Variants in PCDHGB1 observed in about 807,000 individuals in gnomAD.
PCDHGB1 encodes the protein protocadherin gamma subfamily B, 1, also known as protocadherin gamma-B1.
PCDHGB1 carries 34 observed loss-of-function variants against 56.6 expected under a neutral mutation model. That is an observed-to-expected ratio of 0.60 (90% CI 0.46 to 0.80). The LOEUF (loss-of-function observed/expected upper bound fraction) is 0.80, where lower values mean the gene tolerates loss of function less well. Among genes scored for constraint, PCDHGB1 ranks in the 30% least tolerant of loss-of-function variants. The probability of loss-of-function intolerance (pLI) is 0.00; values close to 1 mark genes in which losing one functional copy is unlikely to be tolerated. For missense variants in PCDHGB1, 1,278 were observed against 1,204.6 expected, an observed-to-expected ratio of 1.06 and a Z score of -0.90; for synonymous variants, 561 against 505.9, an observed-to-expected ratio of 1.11 and a Z score of -1.46.
intron 1 of PCDHGB1, chr5:141,407,888 C>T (rs769893466): frequency 2.6e-6 from 1 of 388,626 alleles, no homozygotes; most frequent in Non-Finnish European, 4.6e-6. Flanking sequence ...TTTCGGAGAC[C>T]GAATTCAAAA....
chr5:141,485,587 G>C lies in PCDHGB1; in HGVS notation c.2410-9220G>C. 6.2e-7 allele frequency: 1 copy of C among 1,612,652 alleles called. No individual in the cohort carries two copies. The highest frequency in any genetic ancestry group is 1.7e-5 in the Admixed American group (1 of 59,982). On this transcript the variant is annotated intron_variant, in intron 1 of 3. Coordinates refer to ENST00000523390, the MANE Select transcript of PCDHGB1 (RefSeq NM_018922.3). This position sits in a 1 kb window ranked among gnomAD's most constrained non-coding sequence, Gnocchi z 5.7. ...CCCCCCGTTTTCCGCGGCAGCAGCT[G>C]GACTTGGAAATTGGGGAGGCAGCTC... is the stretch of plus-strand genomic sequence containing the variant.
rs776348214 is a variant in PCDHGB1 at position 141,487,781 on chromosome 5, G to A, written c.2410-7026G>A. 108 of 1,526,850 alleles carry A rather than the reference G, an allele frequency of 7.1e-5. No individual in the cohort carries two copies. Among genetic ancestry groups the A allele is most frequent in the East Asian group, 3.7e-4 (15 of 40,622 alleles). 94.6% of individuals were successfully genotyped at this position (1,526,850 alleles called of 1,614,324 possible). On this transcript the variant is annotated intron_variant, in intron 1 of 3. Coordinates refer to ENST00000523390, the MANE Select transcript of PCDHGB1 (RefSeq NM_018922.3). This position sits in a 1 kb window ranked among gnomAD's most constrained non-coding sequence, Gnocchi z 5.0. ...AGACGCTGTGCTTTGTAACTGTTTC[G>A]TGAATTAACCAGAGTTGTCACAGTT... is the stretch of plus-strand genomic sequence containing the variant.
At chr5:141,453,865 A>T (rs1048679358) in intron 1 of PCDHGB1, among the ~76,000 whole-genome samples, 2 of 152,234 alleles carry the variant, frequency 1.3e-5, no homozygotes, top group African/African-American at 4.8e-5. Flanking sequence ...AAAATAACAG[A>T]TGAGCAAAAT....
At chr5:141,471,185 A>G (rs58340688) in intron 1 of PCDHGB1, 16,257 of 151,174 alleles carry the variant, frequency 0.11, 890 homozygotes, top group South Asian at 0.15. Context: ...TAGTAGCTGG[A>G]ATTACAGGCA....
intron 1 of PCDHGB1, chr5:141,408,119 C>T (rs1271219465): frequency 6.8e-7 from 1 of 1,474,944 alleles, no homozygotes; most frequent in African/African-American, 1.4e-5. Flanking sequence ...CTCCTCCTGT[C>T]CTGGGCCGAA....
chr5:141,405,222 T>A, intron 1 of PCDHGB1: 5 of 1,613,886 alleles, frequency 3.1e-6, no homozygotes, highest in Non-Finnish European at 4.2e-6. Context: ...TCTCAGGAGT[T>A]CTCCCTCACC....
At chr5:141,383,288 T>A (rs1441416956) in intron 1 of PCDHGB1, 2 of 1,613,768 alleles carry the variant, frequency 1.2e-6, no homozygotes, top group Middle Eastern at 1.6e-4. Flanking sequence ...AATGACAACG[T>A]TCCAAGATTC....
At chr5:141,414,220 C>T in intron 1 of PCDHGB1, 1 of 1,613,094 alleles carries the variant, frequency 6.2e-7, no homozygotes, top group Non-Finnish European at 8.5e-7. Flanking sequence ...TGACAACAGT[C>T]CAGAGCTGAC....
rs1224515106 is a variant in PCDHGB1 at position 141,491,453 on chromosome 5, C to T, written c.2410-3354C>T. On this transcript the variant is annotated intron_variant, in intron 1 of 3. Transcript: ENST00000523390. The surrounding 1 kb of genome is among the most constrained non-coding windows in gnomAD (Gnocchi z 6.9). ...TGCTGCAGGCGCCAGGACTCACCCT[C>T]CCCGGACTTCTATAAGCAGTCCAGC... The T allele has an allele frequency of 6.2e-6, 10 of 1,614,120 alleles. No homozygotes were observed. The highest frequency in any genetic ancestry group is 8.5e-6 in the Non-Finnish European group (10 of 1,180,028).
Position 141,487,642 on chromosome 5 carries a change from G to A in PCDHGB1, c.2410-7165G>A, listed in dbSNP as rs747328649. 1.2e-6 allele frequency: 2 copies of A among 1,614,130 alleles called. No individual in the cohort carries two copies. The highest frequency in any genetic ancestry group is 1.3e-5 in the African/African-American group (1 of 75,062). On this transcript the variant is annotated intron_variant, in intron 1 of 3. Transcript: ENST00000523390. This position sits in a 1 kb window ranked among gnomAD's most constrained non-coding sequence, Gnocchi z 5.0. ...TGAGACCTTTGCAGGCTCAACAAAT[G>A]CTTGAGGGTTATTCTGATCCAGGCA...
In PCDHGB1 at chr5:141,490,755, C is replaced by T; in HGVS notation, c.2410-4052C>T. ...AGGTTCAGGGAGCCCCAGCCTCCTC[C>T]TTTGTGTATGTCAACCCAGAGGATG... On this transcript the variant is annotated intron_variant, in intron 1 of 3. Transcript: ENST00000523390. This position sits in a 1 kb window ranked among gnomAD's most constrained non-coding sequence, Gnocchi z 5.4. 1 of 1,614,190 alleles carries T rather than the reference C, an allele frequency of 6.2e-7. No individual in the cohort carries two copies. Among genetic ancestry groups the T allele is most frequent in the Non-Finnish European group, 8.5e-7 (1 of 1,180,026 alleles).
intron 2 of PCDHGB1, among the ~76,000 whole-genome samples, chr5:141,501,751 C>G (rs188896150): frequency 1.4e-3 from 218 of 152,250 alleles, no homozygotes; most frequent in South Asian, 3.1e-3. Flanking sequence ...ATAGGAAGCT[C>G]TCAGTAAATG....
chr5:141,393,642 G>C, intron 1 of PCDHGB1: 1 of 1,613,940 alleles, frequency 6.2e-7, no homozygotes, highest in Non-Finnish European at 8.5e-7. Context: ...CAACGGAAAA[G>C]TGGCATACAA....
Position 141,486,255 on chromosome 5 carries a change from A to G in PCDHGB1, c.2410-8552A>G. 1 of 1,614,028 alleles carries G rather than the reference A, an allele frequency of 6.2e-7. No homozygotes were observed. Reference sequence around the variant, plus strand: ...ACCTCAGAGCTTGGAACCCTCCCCGAGAGTGCAGAACCTGGCACTGTGGTG... The same window carrying G: ...ACCTCAGAGCTTGGAACCCTCCCCGGGAGTGCAGAACCTGGCACTGTGGTG... On this transcript the variant is annotated intron_variant, in intron 1 of 3. Coordinates refer to ENST00000523390, the MANE Select transcript of PCDHGB1 (RefSeq NM_018922.3). This position sits in a 1 kb window ranked among gnomAD's most constrained non-coding sequence, Gnocchi z 5.0.
intron 2 of PCDHGB1, among the ~76,000 whole-genome samples, chr5:141,503,977 CCTT>C (rs1012021012): frequency 1.3e-5 from 2 of 152,250 alleles, no homozygotes; most frequent in Admixed American, 1.3e-4. Flanking sequence ...GGTGCCAAAC[CCTT>C]CTTCTTACCT....
In PCDHGB1 at chr5:141,476,702, C is replaced by A. The variant is rs751321222; in HGVS notation, c.2410-18105C>A. 1.4e-5 allele frequency: 23 copies of A among 1,614,104 alleles called. No individual in the cohort carries two copies. Among genetic ancestry groups the A allele is most frequent in the Non-Finnish European group, 1.7e-5 (20 of 1,180,050 alleles). ...GGAGGACAGCACCAAGTACGCGGAG[C>A]TGGTGTTGGAGCGCGCCCTGGACCG... is the stretch of plus-strand genomic sequence containing the variant. On this transcript the variant is annotated intron_variant, in intron 1 of 3. Coordinates refer to ENST00000523390, the MANE Select transcript of PCDHGB1 (RefSeq NM_018922.3). The surrounding 1 kb of genome is among the most constrained non-coding windows in gnomAD (Gnocchi z 7.6).
rs1177062364 is a variant in PCDHGB1, at chr5:141,350,528, GAGA to G, written c.272_274del (p.Lys91del). 3.1e-6 allele frequency: 5 copies of G among 1,613,916 alleles called. No individual in the cohort carries two copies. Among genetic ancestry groups the G allele is most frequent in the Admixed American group, 1.7e-5 (1 of 60,006 alleles). On this transcript the variant is annotated inframe_deletion, in exon 1 of 4. Transcript: ENST00000523390. ...GTTAGTGAACGGTAGGATAGATCGA[GAGA>G]AGATTTGCGGAAGGAAACTTGAGTG...
intron 1 of PCDHGB1, chr5:141,419,910 C>A (rs539905795): frequency 1.9e-6 from 3 of 1,613,968 alleles, no homozygotes; most frequent in Non-Finnish European, 2.5e-6. Flanking sequence ...CCCTCTGACT[C>A]CCAGGCTGAG....
intron 1 of PCDHGB1, chr5:141,427,833 G>T (rs1345567011): frequency 6.5e-7 from 1 of 1,540,964 alleles, no homozygotes; most frequent in Non-Finnish European, 8.9e-7. Flanking sequence ...CGCGCAGCGT[G>T]CCTTCGACCA....
Sources: allele counts gnomAD v4.1 joint callset (sites outside exome capture counted in the v4.1 genomes callset), GRCh38; gene constraint gnomAD v4.1.1; non-coding constraint Gnocchi (gnomAD v3.1); transcripts MANE v1.5; gene names NCBI Gene and HGNC (gene_info 2026-07-23, HGNC 2026-07-21).